RNF152: variants seen among roughly 807,000 people sequenced by gnomAD.
RNF152 encodes E3 ubiquitin-protein ligase RNF152.
In RNF152, 11 loss-of-function variants were observed where a neutral mutation model predicts 12.7. That is an observed-to-expected ratio of 0.86 (90% CI 0.54 to 1.43). RNF152 has a LOEUF of 1.43. Among genes scored for constraint, RNF152 ranks in the 40% most tolerant of loss-of-function variants. The pLI is 0.00. For missense variants in RNF152, 255 were observed against 274.8 expected (o/e 0.93, Z 0.51); for synonymous variants, 113 against 120.3 (o/e 0.94, Z 0.40).
intron 1 of RNF152, among the ~76,000 whole-genome samples, chr18:61,886,132 C>T (rs1912688894): frequency 6.6e-6 from 1 of 151,918 alleles, no homozygotes; most frequent in Non-Finnish European, 1.5e-5. Context: ...ATACGTACTG[C>T]AGCCTGGTCA....
rs1428967663 is a variant in RNF152, at chr18:61,811,542, C to T, written c.*4310G>A. 1.3e-5 allele frequency: 2 copies of T among 152,204 alleles called. No individual in the cohort carries two copies. Among genetic ancestry groups the T allele is most frequent in the South Asian group, 2.1e-4 (1 of 4,836 alleles). 9.4% of individuals were successfully genotyped at this position (152,204 alleles called of 1,614,324 possible). A position where few individuals can be genotyped will look rare whatever the true frequency, so the allele number is the denominator to read the frequency against. ...GTCAAATCTCATTCTAAAAATACTA[C>T]CTACATTTTAGTTTGGCATCTGAAA... On this transcript the variant is annotated 3_prime_UTR_variant, in exon 2 of 2. Coordinates refer to ENST00000312828, the MANE Select transcript of RNF152 (RefSeq NM_173557.3).
At chr18:61,822,853 T>C (rs2144629112) in intron 1 of RNF152, among the ~76,000 whole-genome samples, 1 of 152,368 alleles carries the variant, frequency 6.6e-6, no homozygotes, top group South Asian at 2.1e-4. Flanking sequence ...GCTTTTCTTT[T>C]CCTATTGAAA....
rs909112238 is a variant in RNF152, at chr18:61,811,874, T to G, written c.*3978A>C. The G allele has an allele frequency of 3.3e-5, 5 of 152,216 alleles. No homozygotes were observed. Among genetic ancestry groups the G allele is most frequent in the African/African-American group, 1.2e-4 (5 of 41,458 alleles). The allele number at this position is 152,216 out of a possible 1,614,324, so 9.4% of individuals were successfully genotyped here. A position where few individuals can be genotyped will look rare whatever the true frequency, so the allele number is the denominator to read the frequency against. ...ACTATTTTTGGACAATAGGTTAACA[T>G]GCAGCTAATGATCCCAGAAAAGGGG... On this transcript the variant is annotated 3_prime_UTR_variant, in exon 2 of 2. Transcript: ENST00000312828.
At chr18:61,858,007 A>G (rs1675270731) in intron 1 of RNF152, among the ~76,000 whole-genome samples, 1 of 152,250 alleles carries the variant, frequency 6.6e-6, no homozygotes, top group South Asian at 2.1e-4. Flanking sequence ...GCTATAATCT[A>G]TTAAAATAAA....
At chr18:61,825,388 C>T (rs1909611725) in intron 1 of RNF152, among the ~76,000 whole-genome samples, 1 of 152,242 alleles carries the variant, frequency 6.6e-6, no homozygotes, top group African/African-American at 2.4e-5. Context: ...CCTGTCAGAG[C>T]CAGAAAGGAC....
chr18:61,816,775 T>C (rs1909117603), intron 1 of RNF152, among the ~76,000 whole-genome samples, 177 bp from the exon 2 acceptor site: 1 of 152,216 alleles, frequency 6.6e-6, no homozygotes, highest in African/African-American at 2.4e-5. Context: ...CGAATGAAAG[T>C]TGTCTCAGAG....
chr18:61,891,853 A>T (rs1292888107), intron 1 of RNF152, among the ~76,000 whole-genome samples: 2 of 152,218 alleles, frequency 1.3e-5, no homozygotes, highest in Non-Finnish European at 2.9e-5. Context: ...CTGCAATGTA[A>T]AAGAGAGTAG....
At chr18:61,885,252 T>C (rs994194185) in intron 1 of RNF152, among the ~76,000 whole-genome samples, 1 of 152,198 alleles carries the variant, frequency 6.6e-6, no homozygotes, top group African/African-American at 2.4e-5. Flanking sequence ...TCACAACAAA[T>C]ACTTGGTTCC....
At chr18:61,858,410 C>G (rs192089343) in intron 1 of RNF152, among the ~76,000 whole-genome samples, 2 of 152,132 alleles carry the variant, frequency 1.3e-5, no homozygotes, top group East Asian at 1.9e-4. Flanking sequence ...CTTCCCTCCC[C>G]CAAGCTCTCT....
chr18:61,827,143 T>C (rs1308072518), intron 1 of RNF152, among the ~76,000 whole-genome samples: 1 of 152,208 alleles, frequency 6.6e-6, no homozygotes, highest in Non-Finnish European at 1.5e-5. Context: ...AATTCCTCCT[T>C]ATAGTCTGAA....
At chr18:61,855,981 ACCAGG>A (rs1348438923) in intron 1 of RNF152, among the ~76,000 whole-genome samples, 2 of 152,220 alleles carry the variant, frequency 1.3e-5, no homozygotes, top group Admixed American at 6.5e-5. Flanking sequence ...TTTCCCTACA[ACCAGG>A]TACTTAAAGA....
chr18:61,891,103 T>C (rs893997584), intron 1 of RNF152, among the ~76,000 whole-genome samples: 1 of 152,174 alleles, frequency 6.6e-6, no homozygotes, highest in Non-Finnish European at 1.5e-5. Flanking sequence ...ACAGAGTCCA[T>C]TATCTATCAG....
At chr18:61,830,425 T>C (rs1323950259) in intron 1 of RNF152, among the ~76,000 whole-genome samples, 1 of 152,132 alleles carries the variant, frequency 6.6e-6, no homozygotes, top group Non-Finnish European at 1.5e-5. Context: ...CGGTCACCTT[T>C]CTGGCACTAT....
intron 1 of RNF152, among the ~76,000 whole-genome samples, chr18:61,869,068 T>G (rs539417995): frequency 6.6e-6 from 1 of 152,344 alleles, no homozygotes; most frequent in Admixed American, 6.5e-5. Flanking sequence ...CTGAGAATAT[T>G]CTAACATCTC....
intron 1 of RNF152, among the ~76,000 whole-genome samples, chr18:61,852,096 A>G (rs916986300): frequency 4.6e-5 from 7 of 152,228 alleles, no homozygotes; most frequent in Non-Finnish European, 1.0e-4. Flanking sequence ...ACCCAGGAAT[A>G]TGACGAGGCC....
intron 1 of RNF152, among the ~76,000 whole-genome samples, chr18:61,846,321 T>G (rs1348420114): frequency 6.6e-6 from 1 of 152,134 alleles, no homozygotes; most frequent in African/African-American, 2.4e-5. Context: ...TAATAAAAAC[T>G]CAAAGGTACA....
chr18:61,817,994 T>C (rs1433905769), intron 1 of RNF152, among the ~76,000 whole-genome samples: 1 of 152,218 alleles, frequency 6.6e-6, no homozygotes, highest in African/African-American at 2.4e-5. Flanking sequence ...CACCTAGAGA[T>C]GGGAGCTATA....
intron 1 of RNF152, among the ~76,000 whole-genome samples, chr18:61,828,448 G>A (rs7244703): frequency 0.27 from 40,930 of 151,854 alleles, 6,275 homozygotes; most frequent in Non-Finnish European, 0.35. Flanking sequence ...TTGTAGAGAC[G>A]GGATCTTGCC....
At chr18:61,823,876 A>T (rs1362748054) in intron 1 of RNF152, among the ~76,000 whole-genome samples, 2 of 152,166 alleles carry the variant, frequency 1.3e-5, no homozygotes, top group African/African-American at 4.8e-5. Flanking sequence ...CCCTGTCTGG[A>T]TGTGCCGTGG....
Sources: allele counts gnomAD v4.1 joint callset (sites outside exome capture counted in the v4.1 genomes callset), GRCh38; gene constraint gnomAD v4.1.1; transcripts MANE v1.5; gene names NCBI Gene and HGNC (gene_info 2026-07-23, HGNC 2026-07-21).